The following PAK5 variants were observed in gnomAD, a reference collection of about 807,000 sequenced individuals.
PAK5 encodes the protein p21 (RAC1) activated kinase 5.
In PAK5, 16 loss-of-function variants were observed where a neutral mutation model predicts 65.9. That is an observed-to-expected ratio of 0.24 (90% CI 0.16 to 0.37). The LOEUF is 0.37. Among genes scored for constraint, PAK5 ranks in the 10% least tolerant of loss-of-function variants. PAK5 has a pLI of 1.00. For synonymous variants in PAK5, 371 were observed against 354.9 expected (o/e 1.05, Z -0.51); for missense variants, 785 against 903.9 (o/e 0.87, Z 1.69).
chr20:9,811,027 G>A (rs997457901), intron 1 of PAK5, among the ~76,000 whole-genome samples: 4 of 152,158 alleles, frequency 2.6e-5, no homozygotes, highest in African/African-American at 4.8e-5. Flanking sequence ...AATAGAAGCA[G>A]TATAATGGTT....
At chr20:9,560,002 T>C (rs1197826139) in intron 6 of PAK5, among the ~76,000 whole-genome samples, 2 of 152,192 alleles carry the variant, frequency 1.3e-5, no homozygotes, top group Non-Finnish European at 2.9e-5. Context: ...TTCAAATTAA[T>C]TCAGAACCAA....
At chr20:9,672,848 G>A (rs902688687) in intron 2 of PAK5, among the ~76,000 whole-genome samples, 19 of 152,082 alleles carry the variant, frequency 1.2e-4, no homozygotes, top group Non-Finnish European at 1.8e-4. Context: ...GATGGCTCTT[G>A]AACAGTAGTC....
At chr20:9,719,150 G>A (rs2048185296) in intron 1 of PAK5, among the ~76,000 whole-genome samples, 1 of 152,140 alleles carries the variant, frequency 6.6e-6, no homozygotes, top group Non-Finnish European at 1.5e-5. Flanking sequence ...AATTGAATAA[G>A]TAACTTTTGG....
chr20:9,667,436 C>T (rs934915018), intron 2 of PAK5, among the ~76,000 whole-genome samples: 2 of 101,290 alleles, frequency 2.0e-5, no homozygotes, highest in Non-Finnish European at 3.8e-5. Context: ...GTATTGAGTT[C>T]AACTACCCTG....
intron 2 of PAK5, among the ~76,000 whole-genome samples, chr20:9,645,866 A>G (rs913943931): frequency 1.3e-5 from 2 of 152,170 alleles, no homozygotes; most frequent in African/African-American, 2.4e-5. Flanking sequence ...GATTACAGGC[A>G]TGAGCCACTG....
At chr20:9,560,257 A>T (rs966645914) in intron 6 of PAK5, among the ~76,000 whole-genome samples, 5 of 152,180 alleles carry the variant, frequency 3.3e-5, no homozygotes, top group Non-Finnish European at 5.9e-5. Flanking sequence ...CTTCTTTCCT[A>T]TAGGAAAAAA....
At chr20:9,683,154 C>G (rs1424248388) in intron 2 of PAK5, among the ~76,000 whole-genome samples, 1 of 152,218 alleles carries the variant, frequency 6.6e-6, no homozygotes, top group African/African-American at 2.4e-5. Context: ...TTCACACACA[C>G]TCCCTCACAT....
chr20:9,559,499 C>T (rs1238083270), intron 6 of PAK5, among the ~76,000 whole-genome samples: 1 of 152,154 alleles, frequency 6.6e-6, no homozygotes. Context: ...CACCCTTCCC[C>T]TCAAGGAGGA....
At chr20:9,630,206 G>A (rs1248552227) in intron 3 of PAK5, among the ~76,000 whole-genome samples, 1 of 152,156 alleles carries the variant, frequency 6.6e-6, no homozygotes, top group Non-Finnish European at 1.5e-5. Context: ...ATCTCTGGAT[G>A]GCACAGATGC....
intron 2 of PAK5, among the ~76,000 whole-genome samples, chr20:9,657,568 T>C (rs2047285837): frequency 6.6e-6 from 1 of 152,212 alleles, no homozygotes; most frequent in South Asian, 2.1e-4. Flanking sequence ...TTAAAATTAG[T>C]TTTACCTCTT....
At chr20:9,564,000 A>G (rs1334938674) in intron 5 of PAK5, among the ~76,000 whole-genome samples, 1 of 152,172 alleles carries the variant, frequency 6.6e-6, no homozygotes, top group Non-Finnish European at 1.5e-5. Context: ...AGAGAATGGG[A>G]GTCCTTACAA....
chr20:9,611,800 G>A (rs147966900), intron 3 of PAK5, among the ~76,000 whole-genome samples: 18 of 152,318 alleles, frequency 1.2e-4, no homozygotes, highest in African/African-American at 4.1e-4. Context: ...AGAGAAGAAA[G>A]TCTAAGGAGT....
At chr20:9,833,084 C>G (rs752059364) in intron 1 of PAK5, among the ~76,000 whole-genome samples, 1 of 152,130 alleles carries the variant, frequency 6.6e-6, no homozygotes. Flanking sequence ...ATATTTTATT[C>G]TAGCTTTGTT....
chr20:9,706,226 C>T (rs953671320), intron 2 of PAK5, among the ~76,000 whole-genome samples: 4 of 152,186 alleles, frequency 2.6e-5, no homozygotes, highest in Non-Finnish European at 5.9e-5. Flanking sequence ...ATAAGTCAAA[C>T]TCTTCATTCG....
intron 3 of PAK5, among the ~76,000 whole-genome samples, chr20:9,593,320 G>A (rs1382648530): frequency 6.6e-6 from 1 of 151,970 alleles, no homozygotes; most frequent in East Asian, 1.9e-4. Context: ...AAAAAAAAGA[G>A]TTGGTAGGTT....
chr20:9,539,211 A>T lies in PAK5; in HGVS notation c.*251T>A, dbSNP rs2045218524. The T allele has an allele frequency of 2.6e-6, 1 of 386,416 alleles. No individual in the cohort carries two copies. The highest frequency in any genetic ancestry group is 2.0e-5 in the African/African-American group (1 of 50,966). The allele number at this position is 386,416 out of a possible 1,614,324, so 23.9% of individuals were successfully genotyped here. A position where few individuals can be genotyped will look rare whatever the true frequency, so the allele number is the denominator to read the frequency against. ...CTGAGTCCTTCTGATTTGCTGGATG[A>T]AGGGCTGAAAAATATAATAATGACT... On this transcript the variant is annotated 3_prime_UTR_variant, in exon 10 of 10. Coordinates refer to ENST00000353224, the MANE Select transcript of PAK5 (RefSeq NM_177990.4).
chr20:9,580,790 G>A lies in PAK5; in HGVS notation c.345C>T (p.His115=), dbSNP rs780125410. Residue 115 remains histidine (H), a synonymous_variant, in exon 4 of 10, where the codon CAC becomes CAT. Coordinates refer to ENST00000353224, the MANE Select transcript of PAK5 (RefSeq NM_177990.4). ...CATTTTCTTCCGCGTGGCCTGGACC[G>A]TGGCTGGAGGCTCCCTGATCTGGGG... ...PPTPDQGASS[H]GPGHAEENGF... 1.7e-5 allele frequency: 27 copies of A among 1,613,870 alleles called. No homozygotes were observed. The highest frequency in any genetic ancestry group is 1.6e-4 in the Middle Eastern group (1 of 6,084).
At chr20:9,770,769 C>T (rs1418489053) in intron 1 of PAK5, among the ~76,000 whole-genome samples, 2 of 152,224 alleles carry the variant, frequency 1.3e-5, no homozygotes, top group East Asian at 3.9e-4. Flanking sequence ...CTTCAGGTCA[C>T]AGTGGGGTTG....
In PAK5 at chr20:9,569,210, C is replaced by A. The variant is rs1405329200; in HGVS notation, c.991-2826G>T. ...TGAAGTTTTGGGATAATTTGTTATG[C>A]AGCAATATTGATAGCTAATACATGG... On this transcript the variant is annotated intron_variant, in intron 4 of 9. Coordinates refer to ENST00000353224, the MANE Select transcript of PAK5 (RefSeq NM_177990.4). Among the ~76,000 whole-genome samples the A allele has an allele frequency of 6.6e-5, 10 of 152,192 alleles. No individual in the cohort carries two copies. The East Asian group carries it at 1.9e-3, about 29-fold the overall frequency.
Sources: gnomAD v4.1 joint callset for allele counts (sites outside exome capture counted in the v4.1 genomes callset) on GRCh38, gnomAD v4.1.1 for gene constraint, MANE v1.5 for transcripts, NCBI Gene and HGNC (gene_info 2026-07-23, HGNC 2026-07-21) for gene names.